BICDL1: variants seen among roughly 807,000 people sequenced by gnomAD.
The protein encoded by BICDL1 is BICD family-like cargo adapter 1.
A neutral mutation model predicts 76.8 loss-of-function variants in BICDL1; 20 were observed. That is an observed-to-expected ratio of 0.26 (90% CI 0.18 to 0.38). The LOEUF (loss-of-function observed/expected upper bound fraction) is 0.38. Ranked by LOEUF, BICDL1 falls within the 10% of genes least tolerant of loss-of-function variation. The pLI, the probability that BICDL1 is intolerant of heterozygous loss-of-function variation, is 1.00. For missense variants in BICDL1, 700 were observed against 798.6 expected (o/e 0.88, Z 1.49); for synonymous variants, 383 against 337.1 (o/e 1.14, Z -1.49).
intron 4 of BICDL1, among the ~76,000 whole-genome samples, chr12:120,066,347 G>A (rs180803190): frequency 1.4e-3 from 214 of 152,260 alleles, no homozygotes; most frequent in Non-Finnish European, 2.4e-3. Flanking sequence ...GGAGGAGAAG[G>A]AAAATAAGTA....
Position 120,090,015 on chromosome 12 carries a change from T to C in BICDL1, c.1648T>C (p.Leu550=), listed in dbSNP as rs1211845761. ...GGATATGATGTCTCTGAACAGCCAG[T>C]TGCTGGATGCCATTCAGCAGAAACT... The part of the protein sequence containing the change: ...RMDMMSLNSQ[L]LDAIQQKLNL... The change falls in exon 9 of 10, where the codon TTG becomes CTG. Residue 550 remains leucine, a synonymous_variant. Transcript: ENST00000548673. 6.2e-7 allele frequency: 1 copy of C among 1,614,180 alleles called. No individual in the cohort carries two copies. Among genetic ancestry groups the C allele is most frequent in the South Asian group, 1.1e-5 (1 of 91,084 alleles).
In BICDL1 at chr12:120,068,053, G is replaced by A. The variant is rs907477034; in HGVS notation, c.909+3174G>A. Among the ~76,000 whole-genome samples the A allele has an allele frequency of 5.9e-5, 9 of 152,124 alleles. No individual in the cohort carries two copies. The South Asian group carries it at 6.2e-4, about 10-fold the overall frequency. ...ACTGGTGCCATTAGCCAATCATTTC[G>A]AAGTACTGACGGTGAAGGTGAGGCT... On this transcript the variant is annotated intron_variant, in intron 4 of 9. Coordinates refer to ENST00000548673, the MANE Select transcript of BICDL1 (RefSeq NM_001367886.1).
intron 2 of BICDL1, among the ~76,000 whole-genome samples, chr12:120,009,955 C>T (rs1252857196): frequency 6.6e-6 from 1 of 152,192 alleles, no homozygotes; most frequent in African/African-American, 2.4e-5. Context: ...TCTATCTGGA[C>T]CAGTGGTTTG....
intron 2 of BICDL1, among the ~76,000 whole-genome samples, chr12:120,027,174 G>A (rs930124573): frequency 1.3e-5 from 2 of 151,674 alleles, no homozygotes; most frequent in African/African-American, 4.8e-5. Flanking sequence ...GGGATTACAG[G>A]TGCACACCAC....
chr12:120,038,206 A>G (rs1952563536), intron 2 of BICDL1, among the ~76,000 whole-genome samples: 1 of 152,170 alleles, frequency 6.6e-6, no homozygotes, highest in East Asian at 1.9e-4. Flanking sequence ...TTCCATCAAG[A>G]CACATGCTCA....
intron 2 of BICDL1, among the ~76,000 whole-genome samples, chr12:120,037,058 A>G (rs2138788601): frequency 6.6e-6 from 1 of 152,296 alleles, no homozygotes; most frequent in South Asian, 2.1e-4. Flanking sequence ...TTGCTTTTAC[A>G]TTAGCAAGTG....
At chr12:120,003,700 A>G (rs1951801659) in intron 2 of BICDL1, among the ~76,000 whole-genome samples, 1 of 152,204 alleles carries the variant, frequency 6.6e-6, no homozygotes, top group African/African-American at 2.4e-5. Context: ...ACATATGAGA[A>G]TGGACAGAGC....
chr12:120,000,493 C>G (rs942722854), intron 2 of BICDL1: 1 of 152,132 alleles, frequency 6.6e-6, no homozygotes, highest in African/African-American at 2.4e-5. Context: ...AGAGGCCTGG[C>G]TAGATTGATT....
At chr12:120,076,954 C>T (rs1346012704) in intron 7 of BICDL1, among the ~76,000 whole-genome samples, 1 of 152,246 alleles carries the variant, frequency 6.6e-6, no homozygotes, top group Non-Finnish European at 1.5e-5. Flanking sequence ...TGTGCAGGGC[C>T]CCTGCTCTCT....
At chr12:120,058,112 C>T (rs963315706) in intron 2 of BICDL1, among the ~76,000 whole-genome samples, 15 of 152,012 alleles carry the variant, frequency 9.9e-5, no homozygotes, top group Non-Finnish European at 1.5e-5. Context: ...GGACCACAGG[C>T]ATGAGCCACC....
At chr12:120,025,425 A>G (rs934714673) in intron 2 of BICDL1, among the ~76,000 whole-genome samples, 1 of 151,746 alleles carries the variant, frequency 6.6e-6, no homozygotes, top group Admixed American at 6.6e-5. Context: ...GGTGTAGACC[A>G]CGGGTCACAG....
At chr12:120,002,585 C>T (rs534021600) in intron 2 of BICDL1, among the ~76,000 whole-genome samples, 1 of 152,306 alleles carries the variant, frequency 6.6e-6, no homozygotes, top group Non-Finnish European at 1.5e-5. Flanking sequence ...TCTCTCATTA[C>T]CCTCCTCTAA....
At chr12:119,996,872 T>C (rs1272843993) in intron 1 of BICDL1, among the ~76,000 whole-genome samples, 1 of 152,168 alleles carries the variant, frequency 6.6e-6, no homozygotes, top group African/African-American at 2.4e-5. Context: ...TAGTTTTGGC[T>C]GTTGTACATA....
At chr12:120,014,189 C>T (rs188498276) in intron 2 of BICDL1, among the ~76,000 whole-genome samples, 1 of 152,320 alleles carries the variant, frequency 6.6e-6, no homozygotes, top group Non-Finnish European at 1.5e-5. Flanking sequence ...ACCTAGCAGA[C>T]AGAAAGCTAT....
intron 2 of BICDL1, among the ~76,000 whole-genome samples, chr12:120,016,992 A>G (rs1305741583): frequency 6.6e-6 from 1 of 152,096 alleles, no homozygotes. Flanking sequence ...TCCCGGGTTC[A>G]TGCCATTCTC....
chr12:120,020,436 A>G (rs1409173149), intron 2 of BICDL1, among the ~76,000 whole-genome samples: 1 of 152,252 alleles, frequency 6.6e-6, no homozygotes, highest in Non-Finnish European at 1.5e-5. Flanking sequence ...CTTCCCCAAC[A>G]GTTGTCAGAA....
Position 119,998,668 on chromosome 12 carries a change from C to A in BICDL1, c.577C>A (p.Arg193=). 1 of 1,613,960 alleles carries A rather than the reference C, an allele frequency of 6.2e-7. No homozygotes were observed. Among genetic ancestry groups the A allele is most frequent in the Non-Finnish European group, 8.5e-7 (1 of 1,180,002 alleles). The stretch of plus-strand genomic sequence containing the variant: ...GCAGATTCATCTGCGGGAAGCAGAT[C>A]GAGAAAAATCACGGGCTGTCCAGGA... ...RQQIHLREAD[R]EKSRAVQELS... Residue 193 remains arginine, a synonymous_variant, in exon 2 of 10, where the codon CGA becomes AGA. Coordinates refer to ENST00000548673, the MANE Select transcript of BICDL1 (RefSeq NM_001367886.1).
At chr12:120,064,607 G>C (rs1202396208) in intron 3 of BICDL1, 126 bp from the exon 4 acceptor site, 3 of 876,594 alleles carry the variant, frequency 3.4e-6, no homozygotes, top group Admixed American at 5.8e-5. Flanking sequence ...TCAGAGATGG[G>C]GGTACCGTGA....
At chr12:120,039,108 C>T (rs1470163173) in intron 2 of BICDL1, among the ~76,000 whole-genome samples, 1 of 151,894 alleles carries the variant, frequency 6.6e-6, no homozygotes, top group East Asian at 1.9e-4. Flanking sequence ...ACCAGCCTGG[C>T]CAACATGGTG....
Sources: gnomAD v4.1 joint callset for allele counts (sites outside exome capture counted in the v4.1 genomes callset) on GRCh38, gnomAD v4.1.1 for gene constraint, MANE v1.5 for transcripts, NCBI Gene and HGNC (gene_info 2026-07-23, HGNC 2026-07-21) for gene names.